Variants in PRDM16 observed in about 807,000 individuals in gnomAD.
PRDM16 encodes PR/SET domain 16.
A neutral mutation model predicts 110.6 loss-of-function variants in PRDM16; 23 were observed. That is an observed-to-expected ratio of 0.21 (90% confidence interval 0.15 to 0.29). The LOEUF is 0.29. PRDM16 is among the 10% of genes least tolerant of loss of function. The pLI, the probability that PRDM16 is intolerant of heterozygous loss-of-function variation, is 1.00. For missense variants in PRDM16, 1,615 were observed against 1,794.3 expected, an observed-to-expected ratio of 0.90 and a Z score of 1.81; for synonymous variants, 799 against 781.8, an observed-to-expected ratio of 1.02 and a Z score of -0.37.
intron 1 of PRDM16, among the ~76,000 whole-genome samples, chr1:3,086,430 C>T (rs1230815829): frequency 6.6e-6 from 1 of 152,280 alleles, no homozygotes; most frequent in African/African-American, 2.4e-5. Flanking sequence ...TACCCACATG[C>T]CCACCCTCAG....
intron 1 of PRDM16, among the ~76,000 whole-genome samples, chr1:3,103,507 C>CAGTG (rs1642579020): frequency 6.6e-6 from 1 of 152,218 alleles, no homozygotes; most frequent in South Asian, 2.1e-4. Context: ...TGTTGACTGG[C>CAGTG]AGTGGCTCTT....
chr1:3,337,478 T>C (rs1642184573), intron 3 of PRDM16, among the ~76,000 whole-genome samples: 1 of 152,076 alleles, frequency 6.6e-6, no homozygotes, highest in African/African-American at 2.4e-5. Flanking sequence ...AAAGCTGGGA[T>C]CTTGTGGGTT....
At chr1:3,147,110 G>C (rs771462700) in intron 1 of PRDM16, among the ~76,000 whole-genome samples, 1 of 147,912 alleles carries the variant, frequency 6.8e-6, no homozygotes, top group East Asian at 2.0e-4. Flanking sequence ...GTGTGTACGC[G>C]TGTGCTCGGT....
chr1:3,125,309 C>A (rs897470203), intron 1 of PRDM16, among the ~76,000 whole-genome samples: 2 of 152,244 alleles, frequency 1.3e-5, no homozygotes, highest in African/African-American at 4.8e-5. Context: ...CAGAGCTGGC[C>A]AGAGGAGGCC....
intron 3 of PRDM16, among the ~76,000 whole-genome samples, chr1:3,303,266 C>G (rs1641245113): frequency 1.3e-5 from 2 of 151,910 alleles, no homozygotes; most frequent in South Asian, 4.2e-4. Flanking sequence ...TGAATGTCCT[C>G]TCTGTCTCTG....
At chr1:3,120,974 T>C (rs1316187981) in intron 1 of PRDM16, among the ~76,000 whole-genome samples, 3 of 152,208 alleles carry the variant, frequency 2.0e-5, no homozygotes, top group Admixed American at 2.0e-4. Flanking sequence ...TGGGTTTGGA[T>C]TGGAAACAGG....
At chr1:3,264,682 C>G (rs1640247556) in intron 3 of PRDM16, among the ~76,000 whole-genome samples, 1 of 150,652 alleles carries the variant, frequency 6.6e-6, no homozygotes, top group Admixed American at 6.6e-5. Flanking sequence ...TCTGAGGACC[C>G]CAGGCCAGGA....
In PRDM16 at chr1:3,261,259, G is replaced by A. The variant is rs115080876; in HGVS notation, c.438+17122G>A. Among the ~76,000 whole-genome samples the A allele has an allele frequency of 3.3e-3, 495 of 152,206 alleles. 3 individuals carry two copies. The highest frequency in any genetic ancestry group is 0.011 in the African/African-American group (466 of 41,536). ...GAATAAGAAATACAGGACTTCCTGC[G>A]AGATAGCAAGTGAATTGTGAGCCGC... is the stretch of plus-strand genomic sequence containing the variant. On this transcript the variant is annotated intron_variant, in intron 3 of 16. Transcript: ENST00000270722.
intron 3 of PRDM16, among the ~76,000 whole-genome samples, chr1:3,363,064 C>T (rs562506923): frequency 1.3e-5 from 2 of 152,188 alleles, no homozygotes; most frequent in African/African-American, 4.8e-5. Flanking sequence ...GCTGCTACCC[C>T]ACCCTGCCGG....
Position 3,069,308 on chromosome 1 carries a change from G to T in PRDM16, c.37+12G>T. 1.4e-6 allele frequency: 2 copies of T among 1,392,534 alleles called. No individual in the cohort carries two copies. The highest frequency in any genetic ancestry group is 1.9e-6 in the Non-Finnish European group (2 of 1,055,052). 86.3% of individuals were successfully genotyped at this position (1,392,534 alleles called of 1,614,324 possible). A position where few individuals can be genotyped will look rare whatever the true frequency, so the allele number is the denominator to read the frequency against. On this transcript the variant is annotated intron_variant, in intron 1 of 16. Transcript: ENST00000270722. This position sits in a 1 kb window ranked among gnomAD's most constrained non-coding sequence, Gnocchi z 6.1. ...GAAGCTAGCCAAAAGTAAGTCTCCC[G>T]CGCTCGGCCGCGCCGCGCCGCCGGG...
chr1:3,181,677 CGCAGTCTT>C (rs1644197869), intron 1 of PRDM16, among the ~76,000 whole-genome samples: 3 of 92,934 alleles, frequency 3.2e-5, no homozygotes, highest in African/African-American at 7.9e-5. Flanking sequence ...GTCTTACACG[CGCAGTCTT>C]ACACACGGTC....
At chr1:3,431,926 G>T (rs1205427906) in intron 15 of PRDM16, 40 bp from the exon 16 acceptor site, 1 of 1,593,096 alleles carries the variant, frequency 6.3e-7, no homozygotes, top group East Asian at 2.2e-5. Context: ...AGGCCAGGCT[G>T]CTGACAGCAG....
At chr1:3,322,865 G>A (rs548374971) in intron 3 of PRDM16, among the ~76,000 whole-genome samples, 1 of 152,194 alleles carries the variant, frequency 6.6e-6, no homozygotes, top group African/African-American at 2.4e-5. Context: ...TTTTCAGCAG[G>A]GGTTCATGGC....
intron 1 of PRDM16, among the ~76,000 whole-genome samples, chr1:3,172,980 C>T (rs1477055495): frequency 2.0e-5 from 3 of 152,240 alleles, no homozygotes; most frequent in Non-Finnish European, 4.4e-5. Context: ...TCTAGAAGCA[C>T]GCTGTCACGA....
chr1:3,116,374 G>T (rs1642960168), intron 1 of PRDM16, among the ~76,000 whole-genome samples: 1 of 152,136 alleles, frequency 6.6e-6, no homozygotes, highest in African/African-American at 2.4e-5. Flanking sequence ...TGACGGGGGG[G>T]ACGCGGGTTC....
intron 1 of PRDM16, among the ~76,000 whole-genome samples, chr1:3,129,896 C>T (rs1182579600): frequency 1.3e-5 from 2 of 152,178 alleles, no homozygotes; most frequent in Non-Finnish European, 2.9e-5. Context: ...TCCTACTTCC[C>T]GCTTTTGCTT....
intron 1 of PRDM16, chr1:3,133,798 A>G (rs12027117): frequency 0.13 from 19,878 of 152,222 alleles, 1,744 homozygotes; most frequent in East Asian, 0.24. Context: ...AGCCAAGGGT[A>G]TGCAGGCAAG....
intron 7 of PRDM16, 35 bp from the exon 8 acceptor site, chr1:3,405,460 G>A: frequency 1.3e-6 from 2 of 1,520,550 alleles, no homozygotes; most frequent in Non-Finnish European, 1.8e-6. Context: ...CGGGTGTCCA[G>A]GCAGGGCACG....
chr1:3,132,081 A>T (rs1448004310), intron 1 of PRDM16, among the ~76,000 whole-genome samples: 1 of 152,168 alleles, frequency 6.6e-6, no homozygotes. Context: ...GAAATGAGCG[A>T]TCAGGGGCTC....
Sources: allele counts gnomAD v4.1 joint callset (sites outside exome capture counted in the v4.1 genomes callset), GRCh38; gene constraint gnomAD v4.1.1; non-coding constraint Gnocchi (gnomAD v3.1); transcripts MANE v1.5; gene names NCBI Gene and HGNC (gene_info 2026-07-23, HGNC 2026-07-21).